CNTN6: variants seen among roughly 807,000 people sequenced by gnomAD.
CNTN6 encodes the protein contactin-6.
Under a neutral mutation model 122.8 loss-of-function variants are expected in CNTN6, and 137 were observed. The observed-to-expected ratio is 1.12, with a 90% confidence interval of 0.97 to 1.29. The LOEUF is 1.29. CNTN6 is among the 50% of genes most tolerant of loss of function. The pLI is 0.00. For synonymous variants in CNTN6, 570 were observed against 426.0 expected, an observed-to-expected ratio of 1.34 and a Z score of -4.16; for missense variants, 1,634 against 1,223.4, an observed-to-expected ratio of 1.34 and a Z score of -5.01.
intron 2 of CNTN6, among the ~76,000 whole-genome samples, chr3:1,196,144 T>C (rs2093774652): frequency 6.6e-6 from 1 of 152,228 alleles, no homozygotes; most frequent in East Asian, 1.9e-4. Context: ...GAATTTGTTT[T>C]GGAGATGGGC....
At chr3:1,207,923 C>G (rs2125458540) in intron 2 of CNTN6, among the ~76,000 whole-genome samples, 1 of 152,198 alleles carries the variant, frequency 6.6e-6, no homozygotes, top group Non-Finnish European at 1.5e-5. Flanking sequence ...CCATTCATCC[C>G]TAATAGCTAA....
At chr3:1,381,558 G>A (rs1691895685) in intron 17 of CNTN6, among the ~76,000 whole-genome samples, 1 of 152,178 alleles carries the variant, frequency 6.6e-6, no homozygotes, top group East Asian at 1.9e-4. Flanking sequence ...CTGGGCACTC[G>A]GGCACAGGAG....
chr3:1,289,295 G>A (rs776412766), intron 5 of CNTN6, among the ~76,000 whole-genome samples: 3 of 152,188 alleles, frequency 2.0e-5, no homozygotes, highest in Admixed American at 6.5e-5. Flanking sequence ...ACTGGGAGGA[G>A]CCAGCCCATG....
chr3:1,252,592 G>A (rs1419013036), intron 4 of CNTN6, among the ~76,000 whole-genome samples: 1 of 152,070 alleles, frequency 6.6e-6, no homozygotes, highest in Non-Finnish European at 1.5e-5. Flanking sequence ...CATTTTAGAG[G>A]ATATTTTAAC....
rs191590888 is a variant in CNTN6 at position 1,366,509 on chromosome 3, C to T, written c.1493-5790C>T. On this transcript the variant is annotated intron_variant, in intron 12 of 22. Coordinates refer to ENST00000446702, the MANE Select transcript of CNTN6 (RefSeq NM_001289080.2). ...AGAAATCTCTCAGATGCTTGAGTTT[C>T]TTAAGAATTTAAGGTGTATTTGATG... is the stretch of plus-strand genomic sequence containing the variant. Among the ~76,000 whole-genome samples, 5 of 152,250 alleles carry T rather than the reference C, an allele frequency of 3.3e-5. No individual in the cohort carries two copies. In the East Asian group the frequency reaches 9.7e-4, roughly 29 times the overall value.
Position 1,095,958 on chromosome 3 carries a change from G to A in CNTN6, c.-83+2838G>A, listed in dbSNP as rs550477921. On this transcript the variant is annotated intron_variant, in intron 1 of 22. Coordinates refer to ENST00000446702, the MANE Select transcript of CNTN6 (RefSeq NM_001289080.2). Reference sequence around the variant, plus strand: ...TGTTCTTTATTTTCAATTATTTTTTGGGTTGTTAGATTTCAGTAAGTAGTA... The same window carrying A: ...TGTTCTTTATTTTCAATTATTTTTTAGGTTGTTAGATTTCAGTAAGTAGTA... Among the ~76,000 whole-genome samples the A allele has an allele frequency of 2.2e-4, 34 of 152,064 alleles. 1 individual carries two copies. In the South Asian group the frequency reaches 6.8e-3, roughly 31 times the overall value.
At chr3:1,358,536 C>G (rs1706957118) in intron 12 of CNTN6, among the ~76,000 whole-genome samples, 1 of 151,532 alleles carries the variant, frequency 6.6e-6, no homozygotes, top group African/African-American at 2.4e-5. Context: ...TTTTCAGTCT[C>G]TGGATCCTGA....
chr3:1,330,049 C>T (rs1702081946), intron 11 of CNTN6, 114 bp downstream of exon 11: 1 of 694,880 alleles, frequency 1.4e-6, no homozygotes, highest in Non-Finnish European at 2.2e-6. Flanking sequence ...GTCTCATTGG[C>T]ATACCTAGAG....
chr3:1,232,461 A>G (rs2094364547), intron 4 of CNTN6, among the ~76,000 whole-genome samples: 1 of 152,250 alleles, frequency 6.6e-6, no homozygotes, highest in African/African-American at 2.4e-5. Flanking sequence ...AATTAAAAAT[A>G]AGAAAAGGAA....
intron 2 of CNTN6, among the ~76,000 whole-genome samples, chr3:1,201,937 CAG>C (rs1182381786): frequency 6.6e-6 from 1 of 152,076 alleles, no homozygotes; most frequent in African/African-American, 2.4e-5. Flanking sequence ...AATATCTTAA[CAG>C]AATTATTTTG....
chr3:1,343,463 C>T (rs1444396434), intron 11 of CNTN6, among the ~76,000 whole-genome samples: 5 of 152,044 alleles, frequency 3.3e-5, no homozygotes, highest in Non-Finnish European at 7.4e-5. Context: ...GTTTATACTC[C>T]TTATTTATAC....
rs1406223728 is a variant in CNTN6 at position 1,325,955 on chromosome 3, A to G, written c.1083+4A>G. ...TGGTGAACGACTCAACCCAGAGGTA[A>G]GCAACTATGTTGATATTAAAAGTTT... On this transcript the variant is annotated splice_donor_region_variant and intron_variant, in intron 9 of 22. Transcript: ENST00000446702. The G allele has an allele frequency of 1.9e-6, 3 of 1,606,922 alleles. No homozygotes were observed. Among genetic ancestry groups the G allele is most frequent in the Non-Finnish European group, 2.5e-6 (3 of 1,177,132 alleles).
intron 8 of CNTN6, among the ~76,000 whole-genome samples, chr3:1,323,626 T>C (rs1319624619): frequency 6.6e-6 from 1 of 151,802 alleles, no homozygotes; most frequent in Admixed American, 6.6e-5. Flanking sequence ...AACCAAGTAA[T>C]ATTGTATATC....
intron 11 of CNTN6, among the ~76,000 whole-genome samples, chr3:1,344,253 T>A (rs957938875): frequency 6.6e-6 from 1 of 152,140 alleles, no homozygotes; most frequent in Admixed American, 6.5e-5. Flanking sequence ...AATGGATGAT[T>A]GTATCTTACT....
chr3:1,240,873 G>A (rs1488824948), intron 4 of CNTN6, among the ~76,000 whole-genome samples: 3 of 152,050 alleles, frequency 2.0e-5, no homozygotes, highest in Non-Finnish European at 2.9e-5. Context: ...GAGAGTCAGT[G>A]AAGGGAGATA....
intron 17 of CNTN6, among the ~76,000 whole-genome samples, chr3:1,380,863 T>A (rs946898414): frequency 6.6e-6 from 1 of 152,250 alleles, no homozygotes; most frequent in South Asian, 2.1e-4. Flanking sequence ...ATTATTAGTT[T>A]ATCAATTTTC....
chr3:1,135,304 G>A lies in CNTN6; in HGVS notation c.-82-12623G>A, dbSNP rs764292435. Among the ~76,000 whole-genome samples, 4 of 152,130 alleles carry A rather than the reference G, an allele frequency of 2.6e-5. No individual in the cohort carries two copies. The South Asian group carries it at 6.2e-4, about 24-fold the overall frequency. On this transcript the variant is annotated intron_variant, in intron 1 of 22. Transcript: ENST00000446702. The stretch of plus-strand genomic sequence containing the variant: ...GGCAACCACATTTTCCTCCCAAGGC[G>A]ACTCCTATTTCTGTGAGGTCAAGAT...
chr3:1,190,622 C>T (rs2093688217), intron 2 of CNTN6, among the ~76,000 whole-genome samples: 1 of 152,082 alleles, frequency 6.6e-6, no homozygotes, highest in Admixed American at 6.5e-5. Flanking sequence ...TGGGAAAATC[C>T]TTAATCACAT....
chr3:1,121,595 T>A (rs944370367), intron 1 of CNTN6, among the ~76,000 whole-genome samples: 2 of 151,926 alleles, frequency 1.3e-5, no homozygotes, highest in Admixed American at 6.6e-5. Context: ...AATCTTTGTA[T>A]ATAGTCAGAA....
Sources: gnomAD v4.1 joint callset for allele counts (sites outside exome capture counted in the v4.1 genomes callset) on GRCh38, gnomAD v4.1.1 for gene constraint, MANE v1.5 for transcripts, NCBI Gene and HGNC (gene_info 2026-07-23, HGNC 2026-07-21) for gene names.